The following VAV2 variants were observed in gnomAD, a reference collection of about 807,000 sequenced individuals.
VAV2 encodes the protein guanine nucleotide exchange factor VAV2.
In VAV2, 67 loss-of-function variants were observed where a neutral mutation model predicts 132.5. That is an observed-to-expected ratio of 0.51 (90% CI 0.42 to 0.62). VAV2 has a LOEUF of 0.62. VAV2 is among the 20% of genes least tolerant of loss of function. The pLI, the probability that VAV2 is intolerant of heterozygous loss-of-function variation, is 0.00. For synonymous variants in VAV2, 492 were observed against 443.5 expected (o/e 1.11, Z -1.37); for missense variants, 938 against 1,153.6 (o/e 0.81, Z 2.71).
At chr9:133,814,710 G>A (rs1302375915) in intron 4 of VAV2, among the ~76,000 whole-genome samples, 2 of 152,238 alleles carry the variant, frequency 1.3e-5, no homozygotes, top group Admixed American at 6.5e-5. Context: ...ACAGAGCCCA[G>A]GGCTCTCCCC....
At chr9:133,967,527 T>C (rs755270648) in intron 1 of VAV2, among the ~76,000 whole-genome samples, 3 of 152,164 alleles carry the variant, frequency 2.0e-5, no homozygotes, top group African/African-American at 4.8e-5. Context: ...GTGACATATA[T>C]ACACAATAGA....
rs1214776780 is a variant in VAV2 at position 133,854,291 on chromosome 9, ACACCCATGTGCACCTGC to A, written c.380+7066_380+7082del. 2.2e-4 allele frequency among the ~76,000 whole-genome samples: 33 copies of A among 151,348 alleles called. No homozygotes were observed. The East Asian group carries it at 6.4e-3, about 29-fold the overall frequency. On this transcript the variant is annotated intron_variant, in intron 3 of 29. Transcript: ENST00000371850. ...CGCACATACCCATATGCACACACAC[ACACCCATGTGCACCTGC>A]ACACACACCCCCATGTGCACATGTA... is the stretch of plus-strand genomic sequence containing the variant.
chr9:133,984,907 C>CAA (rs35866348), intron 1 of VAV2, among the ~76,000 whole-genome samples: 92 of 128,834 alleles, frequency 7.1e-4, no homozygotes, highest in East Asian at 5.6e-3. Context: ...GGCCCTATCT[C>CAA]AAAAAAAAAA....
intron 26 of VAV2, 40 bp downstream of exon 26, chr9:133,771,919 T>C (rs377063152): frequency 1.3e-5 from 21 of 1,584,840 alleles, no homozygotes; most frequent in Non-Finnish European, 1.8e-5. Context: ...CTGTCCCCTG[T>C]GGCTGGGGTG....
At chr9:133,960,666 A>T (rs934622406) in intron 1 of VAV2, among the ~76,000 whole-genome samples, 3 of 152,222 alleles carry the variant, frequency 2.0e-5, no homozygotes, top group Non-Finnish European at 2.9e-5. Flanking sequence ...CTGGCACAGA[A>T]AAGGGAGGTG....
intron 2 of VAV2, among the ~76,000 whole-genome samples, chr9:133,874,053 A>C (rs927890002): frequency 6.6e-6 from 1 of 152,038 alleles, no homozygotes; most frequent in Admixed American, 6.5e-5. Context: ...TCTGAGGAGG[A>C]GTCACCGGGG....
intron 9 of VAV2, among the ~76,000 whole-genome samples, chr9:133,803,774 G>C (rs1011699284): frequency 6.6e-6 from 1 of 152,068 alleles, no homozygotes; most frequent in Admixed American, 6.6e-5. Context: ...CAGCTTCCTC[G>C]TGCCCTCGCT....
intron 2 of VAV2, among the ~76,000 whole-genome samples, chr9:133,917,505 G>A (rs925801255): frequency 3.5e-5 from 5 of 143,042 alleles, no homozygotes; most frequent in Admixed American, 2.1e-4. Flanking sequence ...TCACAAAGAC[G>A]CATAACCTCC....
intron 9 of VAV2, among the ~76,000 whole-genome samples, chr9:133,798,247 C>T (rs1268039036): frequency 2.0e-5 from 3 of 152,246 alleles, no homozygotes; most frequent in Non-Finnish European, 4.4e-5. Flanking sequence ...AGGGCTCACC[C>T]TCATGCTGTG....
chr9:133,797,766 G>A lies in VAV2; in HGVS notation c.880C>T (p.Gln294Ter), dbSNP rs763501246. 6.2e-7 allele frequency: 1 copy of A among 1,614,026 alleles called. No homozygotes were observed. The highest frequency in any genetic ancestry group is 1.7e-5 in the Admixed American group (1 of 60,012). Residue 294 changes from glutamine to a stop codon, truncating the protein, a stop_gained, in exon 10 of 30, where the codon CAG (glutamine) becomes TAG (stop). Transcript: ENST00000371850. LOFTEE classifies it high-confidence loss of function. ...GCCAGGAGCTGGTTCAGTGTGTTCTGGGCGTGCTCCATGTGGCTGCAGTAC... is the reference window on the plus strand; with the variant it reads ...GCCAGGAGCTGGTTCAGTGTGTTCTAGGCGTGCTCCATGTGGCTGCAGTAC... Reference protein sequence around the residue: ...GEYCSHMEHAQNTLNQLLASR... With the variant: ...GEYCSHMEHA
chr9:133,770,225 G>C (rs971601381), intron 27 of VAV2, among the ~76,000 whole-genome samples, 153 bp downstream of exon 27: 17 of 152,260 alleles, frequency 1.1e-4, no homozygotes, highest in Non-Finnish European at 2.1e-4. Context: ...CCACATGACA[G>C]CATCTGCGAT....
At chr9:133,927,992 G>A (rs1840538549) in intron 2 of VAV2, 2 of 152,124 alleles carry the variant, frequency 1.3e-5, no homozygotes, top group African/African-American at 4.8e-5. Flanking sequence ...CTGACCTCCA[G>A]GCACGCAGCT....
At chr9:133,915,169 T>C (rs1840032435) in intron 2 of VAV2, among the ~76,000 whole-genome samples, 1 of 152,162 alleles carries the variant, frequency 6.6e-6, no homozygotes, top group Admixed American at 6.5e-5. Context: ...GCCTTGACTC[T>C]AGTCCTCATT....
intron 9 of VAV2, 149 bp downstream of exon 9, chr9:133,805,932 C>T: frequency 2.4e-6 from 2 of 821,438 alleles, no homozygotes; most frequent in South Asian, 3.6e-5. Flanking sequence ...GGGTGGGTGG[C>T]ATCCTCAACA....
chr9:133,979,527 A>C (rs972518282), intron 1 of VAV2, among the ~76,000 whole-genome samples: 6 of 152,178 alleles, frequency 3.9e-5, no homozygotes, highest in African/African-American at 1.4e-4. Context: ...GAACTCGGAC[A>C]GAGGATGTTG....
At chr9:133,836,555 T>C (rs1836481131) in intron 3 of VAV2, among the ~76,000 whole-genome samples, 1 of 152,242 alleles carries the variant, frequency 6.6e-6, no homozygotes, top group Non-Finnish European at 1.5e-5. Flanking sequence ...TATAAAAGTA[T>C]GTTACATATA....
chr9:133,985,636 G>A (rs754268875), intron 1 of VAV2, among the ~76,000 whole-genome samples: 4 of 152,192 alleles, frequency 2.6e-5, no homozygotes, highest in Non-Finnish European at 5.9e-5. Flanking sequence ...GAGCTCCTTG[G>A]ACAAACAGCT....
intron 1 of VAV2, among the ~76,000 whole-genome samples, chr9:133,976,044 A>G (rs1842496276): frequency 2.0e-5 from 1 of 50,754 alleles, no homozygotes; most frequent in African/African-American, 6.1e-5. Flanking sequence ...AAAAAAAAAA[A>G]GAAAATACAA....
chr9:133,833,202 T>C lies in VAV2; in HGVS notation c.449+1070A>G, dbSNP rs1836329483. On this transcript the variant is annotated intron_variant, in intron 4 of 29. Coordinates refer to ENST00000371850, the MANE Select transcript of VAV2 (RefSeq NM_001134398.2). This position sits in a 1 kb window ranked among gnomAD's most constrained non-coding sequence, Gnocchi z 5.6. ...ATGCTGATATGGGGATGACTTGAAT[T>C]GTGTATATACACAGGGATCCTGCGG... Among the ~76,000 whole-genome samples the C allele has an allele frequency of 6.6e-6, 1 of 152,164 alleles. No homozygotes were observed. The highest frequency in any genetic ancestry group is 2.4e-5 in the African/African-American group (1 of 41,448).
Sources: gnomAD v4.1 joint callset for allele counts (sites outside exome capture counted in the v4.1 genomes callset) on GRCh38, gnomAD v4.1.1 for gene constraint, Gnocchi (gnomAD v3.1) non-coding constraint, MANE v1.5 for transcripts, NCBI Gene and HGNC (gene_info 2026-07-23, HGNC 2026-07-21) for gene names.